Variants in RAP1GAP2 observed in about 807,000 individuals in gnomAD.
The protein encoded by RAP1GAP2 is RAP1 GTPase activating protein 2, also known as rap1 GTPase-activating protein 2.
Under a neutral mutation model 95.0 loss-of-function variants are expected in RAP1GAP2, and 27 were observed. That is an observed-to-expected ratio of 0.28 (90% CI 0.21 to 0.39). The LOEUF (loss-of-function observed/expected upper bound fraction) is 0.39. Ranked by LOEUF, RAP1GAP2 falls within the 10% of genes least tolerant of loss-of-function variation. The pLI is 1.00. For missense variants in RAP1GAP2, 771 were observed against 970.0 expected (o/e 0.79, Z 2.72); for synonymous variants, 373 against 380.9 (o/e 0.98, Z 0.24).
At chr17:2,891,098 C>T (rs1426132992) in intron 2 of RAP1GAP2, among the ~76,000 whole-genome samples, 2 of 151,688 alleles carry the variant, frequency 1.3e-5, no homozygotes, top group Non-Finnish European at 2.9e-5. Context: ...TAATGATTAA[C>T]TCCTGTTTCT....
At chr17:2,781,026 T>C (rs1164512570) in intron 1 of RAP1GAP2, among the ~76,000 whole-genome samples, 1 of 152,164 alleles carries the variant, frequency 6.6e-6, no homozygotes, top group Non-Finnish European at 1.5e-5. Context: ...GTCTACCTGC[T>C]CATGATCTGG....
chr17:2,921,704 G>C (rs1002635935), intron 3 of RAP1GAP2, among the ~76,000 whole-genome samples: 46 of 90,562 alleles, frequency 5.1e-4, no homozygotes, highest in African/African-American at 1.7e-3. Flanking sequence ...CCGCAGGGCC[G>C]TTATGTGTCC....
chr17:2,949,245 C>T (rs1348065699), intron 3 of RAP1GAP2, among the ~76,000 whole-genome samples: 2 of 152,250 alleles, frequency 1.3e-5, no homozygotes, highest in Non-Finnish European at 2.9e-5. Flanking sequence ...GCTGCTAATA[C>T]ATTAGACAGC....
intron 22 of RAP1GAP2, among the ~76,000 whole-genome samples, chr17:3,028,863 C>T (rs1208239951): frequency 1.3e-5 from 2 of 152,162 alleles, no homozygotes; most frequent in Non-Finnish European, 2.9e-5. Context: ...TGCAATGGCG[C>T]AATCTCGGCT....
chr17:2,886,264 C>T (rs2030004465), intron 2 of RAP1GAP2, among the ~76,000 whole-genome samples: 1 of 151,404 alleles, frequency 6.6e-6, no homozygotes. Context: ...CCTCCGCCTC[C>T]CAGATTTAAG....
chr17:2,934,632 T>C (rs1036266643), intron 3 of RAP1GAP2, among the ~76,000 whole-genome samples: 6 of 152,244 alleles, frequency 3.9e-5, no homozygotes, highest in Admixed American at 1.3e-4. Context: ...TGTCTACTAC[T>C]GTATTTCATT....
At chr17:3,011,115 A>G (rs1033109765) in intron 17 of RAP1GAP2, among the ~76,000 whole-genome samples, 1 of 151,682 alleles carries the variant, frequency 6.6e-6, no homozygotes, top group African/African-American at 2.4e-5. Flanking sequence ...TTTAGTAGAG[A>G]CGAGGTTTCA....
intron 1 of RAP1GAP2, among the ~76,000 whole-genome samples, chr17:2,785,696 G>A (rs147368136): frequency 1.2e-4 from 19 of 152,126 alleles, no homozygotes; most frequent in Non-Finnish European, 2.5e-4. Flanking sequence ...CGGGAAGCTC[G>A]GTTCTTAAGA....
chr17:2,852,871 G>A (rs766891318), intron 2 of RAP1GAP2, among the ~76,000 whole-genome samples: 3 of 152,242 alleles, frequency 2.0e-5, no homozygotes, highest in Non-Finnish European at 1.5e-5. Context: ...CCCAGGAGCC[G>A]GCGCGACCTT....
chr17:2,894,361 C>T (rs1194565310), intron 2 of RAP1GAP2, among the ~76,000 whole-genome samples: 5 of 152,140 alleles, frequency 3.3e-5, no homozygotes, highest in African/African-American at 1.2e-4. Context: ...ACCCAGGAGG[C>T]GGAGCTTGCA....
At chr17:2,758,750 C>T (rs1461376979) in intron 1 of RAP1GAP2, among the ~76,000 whole-genome samples, 2 of 152,110 alleles carry the variant, frequency 1.3e-5, no homozygotes, top group East Asian at 1.9e-4. Context: ...TTGTAGAAAT[C>T]GACTCAAACT....
chr17:2,799,526 A>G lies in RAP1GAP2; in HGVS notation c.45-989A>G, dbSNP rs551433605. Among the ~76,000 whole-genome samples the G allele has an allele frequency of 2.0e-5, 3 of 152,260 alleles. No individual in the cohort carries two copies. In the South Asian group the frequency reaches 6.2e-4, roughly 32 times the overall value. ...AGCCTGAGGCAGCGCTGGGCTGGCC[A>G]GAGAAGGGTGCCGGAAAGAGCCTCC... On this transcript the variant is annotated intron_variant, in intron 1 of 24. Coordinates refer to ENST00000254695, the MANE Select transcript of RAP1GAP2 (RefSeq NM_015085.5).
chr17:2,755,742 G>T lies in RAP1GAP2; in HGVS notation c.25G>T (p.Glu9Ter). ...CATGGCGGGCCGCCGGGCGCCGGGG[G>T]AGAAGCGCTGGCAGCTGGTGCGCTG... is the stretch of plus-strand genomic sequence containing the variant. The change falls in exon 1 of 26, where the codon GAG (glutamate) becomes TAG (stop). Residue 9 changes from glutamate (E) to a stop codon, truncating the protein, a stop_gained. Coordinates refer to the RAP1GAP2 transcript ENST00000637138. LOFTEE classifies it high-confidence loss of function. 1 of 350,136 alleles carries T rather than the reference G, an allele frequency of 2.9e-6. No homozygotes were observed. Among genetic ancestry groups the T allele is most frequent in the East Asian group, 4.2e-5 (1 of 23,674 alleles). The allele number at this position is 350,136 out of a possible 1,614,324, so 21.7% of individuals were successfully genotyped here.
At chr17:2,878,201 A>G (rs1265360967) in intron 2 of RAP1GAP2, among the ~76,000 whole-genome samples, 1 of 152,058 alleles carries the variant, frequency 6.6e-6, no homozygotes, top group Non-Finnish European at 1.5e-5. Context: ...TGTCAGGCAT[A>G]AGGGAAGGGG....
At chr17:2,937,333 C>T (rs4790103) in intron 3 of RAP1GAP2, among the ~76,000 whole-genome samples, 135,235 of 152,230 alleles carry the variant, frequency 0.89, 60,229 homozygotes, top group Non-Finnish European at 0.91. Flanking sequence ...AGGCAGGAGC[C>T]TGGATCCTTG....
intron 10 of RAP1GAP2, among the ~76,000 whole-genome samples, chr17:2,982,261 C>T (rs924257799): frequency 1.3e-5 from 2 of 152,200 alleles, no homozygotes; most frequent in Non-Finnish European, 2.9e-5. Flanking sequence ...GCCTCAGCCT[C>T]CCAAGTAGCT....
intron 2 of RAP1GAP2, among the ~76,000 whole-genome samples, chr17:2,889,889 A>ATATATATATTTTTTTT (rs1408426152): frequency 1.4e-4 from 8 of 57,316 alleles, no homozygotes; most frequent in East Asian, 1.3e-3. Context: ...ATATATATAT[A>ATATATATATTTTTTTT]TTTTTTTTTT....
At chr17:2,899,547 G>A (rs1366641576) in intron 2 of RAP1GAP2, among the ~76,000 whole-genome samples, 3 of 151,828 alleles carry the variant, frequency 2.0e-5, no homozygotes, top group Non-Finnish European at 4.4e-5. Flanking sequence ...GTCTCGCTCT[G>A]TCACCCGGGC....
rs373306795 is a variant in RAP1GAP2 at position 3,020,631 on chromosome 17, G to C, written c.1751+36G>C. On this transcript the variant is annotated intron_variant, in intron 19 of 24. Transcript: ENST00000254695. ...GGAAACCCCTACCCCAGCCTGACTT[G>C]CGGGGTCTGTCAACCCCCTCCACTG... 5.7e-6 allele frequency: 9 copies of C among 1,572,448 alleles called. No homozygotes were observed. In the African/African-American group the frequency reaches 1.2e-4, roughly 21 times the overall value.
Sources: gnomAD v4.1 joint callset for allele counts (sites outside exome capture counted in the v4.1 genomes callset) on GRCh38, gnomAD v4.1.1 for gene constraint, MANE v1.5 for transcripts, NCBI Gene and HGNC (gene_info 2026-07-23, HGNC 2026-07-21) for gene names.